Variants in GALNS observed in about 807,000 individuals in gnomAD.
GALNS encodes N-acetylgalactosamine-6-sulfatase.
GALNS carries 65 observed loss-of-function variants against 65.9 expected under a neutral mutation model. That is an observed-to-expected ratio of 0.99 (90% CI 0.81 to 1.21). The LOEUF (loss-of-function observed/expected upper bound fraction) is 1.21. Among genes scored for constraint, GALNS ranks in the 50% most tolerant of loss-of-function variants. The probability of loss-of-function intolerance (pLI) is 0.00; values close to 1 mark genes in which losing one functional copy is unlikely to be tolerated. For missense variants in GALNS, 776 were observed against 700.7 expected (o/e 1.11, Z -1.21); for synonymous variants, 346 against 288.9 (o/e 1.20, Z -2.00).
At chr16:88,837,164 G>T (rs1912227136) in intron 5 of GALNS, among the ~76,000 whole-genome samples, 1 of 152,214 alleles carries the variant, frequency 6.6e-6, no homozygotes, top group African/African-American at 2.4e-5. Flanking sequence ...AAGAGGTGCT[G>T]CCCCCACGCC....
At position 88,814,351 on chromosome 16, in the gene GALNS, G is replaced by C; in HGVS notation, c.*88C>G. The C allele has an allele frequency of 6.6e-7, 1 of 1,517,102 alleles. No homozygotes were observed. Among genetic ancestry groups the C allele is most frequent in the Non-Finnish European group, 8.9e-7 (1 of 1,118,642 alleles). The allele number at this position is 1,517,102 out of a possible 1,614,324, so 94.0% of individuals were successfully genotyped here. On this transcript the variant is annotated 3_prime_UTR_variant, in exon 14 of 14. Coordinates refer to ENST00000268695, the MANE Select transcript of GALNS (RefSeq NM_000512.5). Reference sequence around the variant, plus strand: ...TGTCTGTCTGGCTTGGGCAGGGTTGGGGGAGGACCGAGGCCAGAGCCATCC... The same window carrying C: ...TGTCTGTCTGGCTTGGGCAGGGTTGCGGGAGGACCGAGGCCAGAGCCATCC...
At chr16:88,833,140 GGGA>G (rs1252649012) in intron 8 of GALNS, among the ~76,000 whole-genome samples, 1 of 151,944 alleles carries the variant, frequency 6.6e-6, no homozygotes, top group Non-Finnish European at 1.5e-5. Context: ...AACCATCCAG[GGGA>G]GGCAAAGTCA....
At position 88,815,607 on chromosome 16, in the gene GALNS, G is replaced by A. The variant is rs560849283; in HGVS notation, c.1483-1082C>T. The A allele has an allele frequency of 3.0e-6, 3 of 985,490 alleles. No homozygotes were observed. In the African/African-American group the frequency reaches 5.2e-5, roughly 17 times the overall value. 61.0% of individuals were successfully genotyped at this position (985,490 alleles called of 1,614,324 possible). ...GCTGAAATGAGTGCAGTTTGGTTCT[G>A]TGTCCCCATCCAGGCCACTTCTGTG... On this transcript the variant is annotated intron_variant, in intron 13 of 13. Transcript: ENST00000268695.
In GALNS at chr16:88,846,509, CTTT is replaced by C. The variant is rs59223444; in HGVS notation, c.121-3683_121-3681del. Among the ~76,000 whole-genome samples the C allele has an allele frequency of 3.7e-3, 328 of 88,668 alleles. 2 individuals are homozygous for C. The highest frequency in any genetic ancestry group is 0.014 in the African/African-American group (318 of 22,740). 58.2% of individuals were successfully genotyped at this position (88,668 alleles called of 152,430 possible). On this transcript the variant is annotated intron_variant, in intron 1 of 13. Transcript: ENST00000268695. ...AGACCGAGACAGAATGCGTTTCTGG[CTTT>C]TTTTTTTTTTTTTTTTTTTTTGAGA...
chr16:88,846,247 A>T (rs1967236060), intron 1 of GALNS, among the ~76,000 whole-genome samples: 2 of 152,158 alleles, frequency 1.3e-5, no homozygotes, highest in South Asian at 4.1e-4. Flanking sequence ...TGCCGCAGAT[A>T]TGATTCAGTA....
chr16:88,826,296 G>A (rs1330584452), intron 10 of GALNS, among the ~76,000 whole-genome samples: 1 of 148,022 alleles, frequency 6.8e-6, no homozygotes, highest in Non-Finnish European at 1.5e-5. Context: ...GGGTGGGGCG[G>A]ACAGGGGCGG....
chr16:88,832,206 C>T (rs989562753), intron 8 of GALNS, 105 bp from the exon 9 acceptor site: 17 of 1,024,490 alleles, frequency 1.7e-5, no homozygotes, highest in Non-Finnish European at 2.1e-5. Context: ...ACAAAGGGCC[C>T]GGCCAAGGCA....
chr16:88,831,872 T>G (rs1911538267), intron 9 of GALNS, 126 bp downstream of exon 9: 1 of 771,720 alleles, frequency 1.3e-6, no homozygotes, highest in Non-Finnish European at 2.2e-6. Context: ...ACAGGGTGCG[T>G]GGGGAGGAGA....
At chr16:88,822,772 G>T in intron 11 of GALNS, 62 bp from the exon 12 acceptor site, 3 of 1,587,312 alleles carry the variant, frequency 1.9e-6, no homozygotes, top group Non-Finnish European at 2.6e-6. Context: ...GAGGGGCCTC[G>T]TCTGCCCGTG....
chr16:88,834,643 C>G lies in GALNS; in HGVS notation c.898+570G>C, dbSNP rs200313144. The stretch of plus-strand genomic sequence containing the variant: ...GGGAAGAGGCTGCAGGGCCCCCCCC[C>G]GCGTGGTCTGGGAAGAGGCGGGTTC... On this transcript the variant is annotated intron_variant, in intron 8 of 13. Coordinates refer to ENST00000268695, the MANE Select transcript of GALNS (RefSeq NM_000512.5). 1.9e-3 allele frequency among the ~76,000 whole-genome samples: 154 copies of G among 82,264 alleles called. 8 individuals carry two copies. Among genetic ancestry groups the G allele is most frequent in the East Asian group, 5.9e-3 (6 of 1,010 alleles). The allele number at this position is 82,264 out of a possible 152,430, so 54.0% of individuals were successfully genotyped here.
chr16:88,825,108 C>A (rs1205448671), intron 10 of GALNS, among the ~76,000 whole-genome samples: 147 of 115,132 alleles, frequency 1.3e-3, no homozygotes, highest in Admixed American at 3.0e-3. Context: ...ATCTGGGGCG[C>A]CTGGGTGTCT....
Position 88,835,786 on chromosome 16 carries a change from C to T in GALNS, c.697G>A (p.Asp233Asn), listed in dbSNP as rs753051547. The T allele has an allele frequency of 4.3e-6, 7 of 1,613,994 alleles. No individual in the cohort carries two copies. Among genetic ancestry groups the T allele is most frequent in the South Asian group, 2.2e-5 (2 of 91,078 alleles). The change falls in exon 7 of 14, where the codon GAC becomes AAC. Residue 233 changes from aspartate (D) to asparagine (N), a missense_variant. Coordinates refer to ENST00000268695, the MANE Select transcript of GALNS (RefSeq NM_000512.5). The stretch of plus-strand genomic sequence containing the variant: ...GCATAGACGGGTGCGTGCGTGGCGT[C>T]GACAGCCCAGTAGAGGAAAAAGGGG... ...HHPFFLYWAVDATHAPVYASK... is the reference protein window; with the variant it reads ...HHPFFLYWAVNATHAPVYASK...
At chr16:88,814,699 T>G (rs879818434) in intron 13 of GALNS, 174 bp from the exon 14 acceptor site, 4 of 539,664 alleles carry the variant, frequency 7.4e-6, no homozygotes, top group Non-Finnish European at 9.5e-6. Flanking sequence ...GTTCAAGAGA[T>G]TCTCCTGCCT....
chr16:88,842,638 G>C, intron 2 of GALNS, 68 bp downstream of exon 2: 3 of 1,583,552 alleles, frequency 1.9e-6, no homozygotes, highest in Non-Finnish European at 2.6e-6. Context: ...GTCAGGGCTG[G>C]AAGGACCCGG....
Position 88,835,785 on chromosome 16 carries a change from T to A in GALNS, c.698A>T (p.Asp233Val). Reference protein sequence around the residue: ...HHPFFLYWAVDATHAPVYASK... With the variant: ...HHPFFLYWAVVATHAPVYASK... The stretch of plus-strand genomic sequence containing the variant: ...GGCATAGACGGGTGCGTGCGTGGCG[T>A]CGACAGCCCAGTAGAGGAAAAAGGG... The change falls in exon 7 of 14, where the codon GAC becomes GTC. Residue 233 changes from aspartate (D) to valine (V), a missense_variant. Asp to Val is a radical substitution (Grantham distance 152). Transcript: ENST00000268695. 1 of 1,614,092 alleles carries A rather than the reference T, an allele frequency of 6.2e-7. No individual in the cohort carries two copies. Among genetic ancestry groups the A allele is most frequent in the South Asian group, 1.1e-5 (1 of 91,086 alleles).
intron 1 of GALNS, among the ~76,000 whole-genome samples, chr16:88,852,729 C>T (rs145526024): frequency 3.3e-5 from 5 of 152,276 alleles, no homozygotes; most frequent in Admixed American, 6.5e-5. Flanking sequence ...ACCAGAACTA[C>T]GTGACGCATG....
At chr16:88,837,583 G>A (rs1352316382) in intron 5 of GALNS, 39 bp downstream of exon 5, 1 of 1,608,078 alleles carries the variant, frequency 6.2e-7, no homozygotes, top group South Asian at 1.1e-5. Flanking sequence ...GGGCACAGCA[G>A]TTCAGGACGT....
intron 5 of GALNS, among the ~76,000 whole-genome samples, chr16:88,837,056 C>T (rs1912214874): frequency 6.6e-6 from 1 of 152,244 alleles, no homozygotes. Context: ...CTTCTGGTCA[C>T]CGTCATGTAA....
rs145583190 is a variant in GALNS, at chr16:88,824,865, T to C, written c.1144A>G (p.Ile382Val). ...AGCGTGTCGCCACGGTAATAGAAGA[T>C]AGGCCTGTGGGATGGGAGGGGAGGA... ...LLQGRLMDRPIFYYRGDTLMA... is the reference protein window; with the variant it reads ...LLQGRLMDRPVFYYRGDTLMA... The change falls in exon 11 of 14, where the codon ATC (isoleucine) becomes GTC (valine). Residue 382 changes from isoleucine to valine, a missense_variant. Physicochemically the swap from Ile to Val is conservative, Grantham distance 29 (BLOSUM62 3). Coordinates refer to ENST00000268695, the MANE Select transcript of GALNS (RefSeq NM_000512.5). 2.1e-5 allele frequency: 34 copies of C among 1,612,824 alleles called. No homozygotes were observed. Among genetic ancestry groups the C allele is most frequent in the African/African-American group, 2.0e-4 (15 of 74,902 alleles).
Sources: gnomAD v4.1 joint callset for allele counts (sites outside exome capture counted in the v4.1 genomes callset) on GRCh38, gnomAD v4.1.1 for gene constraint, MANE v1.5 for transcripts, NCBI Gene and HGNC (gene_info 2026-07-23, HGNC 2026-07-21) for gene names.